Variants in KDM4E observed in about 807,000 individuals in gnomAD.
The protein encoded by KDM4E is lysine-specific demethylase 4E.
For synonymous variants in KDM4E, 229 were observed against 232.9 expected (o/e 0.98, Z 0.15); for missense variants, 576 against 642.6 (o/e 0.90, Z 1.12).
Position 95,026,823 on chromosome 11 carries a change from G to A in KDM4E, c.1266G>A (p.Gly422=). The change falls in exon 1 of 1, where the codon GGG becomes GGA. Residue 422 remains glycine, a synonymous_variant. Transcript: ENST00000450979. ...CCCAGACCCAGTCACTTACCCTGGG[G>A]ATGTCAGCCAGGGTTCTTCTCCCTT... The part of the protein sequence containing the change: ...YHTQTQSLTL[G]MSARVLLPST... 1.3e-6 allele frequency: 2 copies of A among 1,537,236 alleles called. No individual in the cohort carries two copies. The highest frequency in any genetic ancestry group is 1.7e-4 in the Middle Eastern group (1 of 5,990).
Position 95,026,458 on chromosome 11 carries a change from G to A in KDM4E, c.901G>A (p.Gly301Ser). Residue 301 changes from glycine to serine, a missense_variant, in exon 1 of 1, where the codon GGC becomes AGC. Coordinates refer to ENST00000450979, the MANE Select transcript of KDM4E (RefSeq NM_001161630.1). ...NFATPRWIDY[G>S]KMASQCSCGE... ...TGCCACTCCACGATGGATTGATTAT[G>A]GCAAAATGGCCTCTCAGTGTAGCTG... 1.2e-6 allele frequency: 2 copies of A among 1,609,302 alleles called. No homozygotes were observed. The highest frequency in any genetic ancestry group is 8.5e-7 in the Non-Finnish European group (1 of 1,179,830).
In KDM4E at chr11:95,026,730, T is replaced by G. The variant is rs1272171706; in HGVS notation, c.1173T>G (p.Cys391Trp). The change falls in exon 1 of 1, where the codon TGT (cysteine) becomes TGG (tryptophan). Residue 391 changes from cysteine (C) to tryptophan (W), a missense_variant. Cys to Trp is a radical substitution (Grantham distance 215). Coordinates refer to ENST00000450979, the MANE Select transcript of KDM4E (RefSeq NM_001161630.1). ...CPTQPVSSGHCYNPKGCGTDA... is the reference protein window; with the variant it reads ...CPTQPVSSGHWYNPKGCGTDA... Reference sequence around the variant, plus strand: ...CACAGCCTGTGTCCTCAGGGCACTGTTACAACCCAAAAGGCTGTGGCACTG... The same window carrying G: ...CACAGCCTGTGTCCTCAGGGCACTGGTACAACCCAAAAGGCTGTGGCACTG... The G allele has an allele frequency of 3.9e-6, 6 of 1,537,166 alleles. No homozygotes were observed. The highest frequency in any genetic ancestry group is 5.2e-6 in the Non-Finnish European group (6 of 1,146,916).
chr11:95,026,910 C>T lies in KDM4E; in HGVS notation c.1353C>T (p.Cys451=), dbSNP rs114457689. 592 of 1,537,034 alleles carry T rather than the reference C, an allele frequency of 3.9e-4. 1 individual carries two copies. In the African/African-American group the frequency reaches 7.5e-3, roughly 19 times the overall value. ...RGRGQGQGRG[C]SRGRGHGCCT... is the part of the protein sequence containing the mutation. Reference sequence around the variant, plus strand: ...GTGGTCAAGGTCAAGGTCGAGGTTGCAGTCGTGGTCGTGGTCATGGTTGTT... The same window carrying T: ...GTGGTCAAGGTCAAGGTCGAGGTTGTAGTCGTGGTCGTGGTCATGGTTGTT... The change falls in exon 1 of 1, where the codon TGC becomes TGT. Residue 451 remains cysteine, a synonymous_variant. Coordinates refer to ENST00000450979, the MANE Select transcript of KDM4E (RefSeq NM_001161630.1).
chr11:95,026,895 T>G lies in KDM4E; in HGVS notation c.1338T>G (p.Gly446=), dbSNP rs557117593. 24 of 1,537,146 alleles carry G rather than the reference T, an allele frequency of 1.6e-5. No individual in the cohort carries two copies. Among genetic ancestry groups the G allele is most frequent in the Non-Finnish European group, 8.7e-7 (1 of 1,146,880 alleles). The part of the protein sequence containing the change: ...GSGRGRGRGQ[G]QGRGCSRGRG... ...GTCGTGGTCGTGGTCGTGGTCAAGG[T>G]CAAGGTCGAGGTTGCAGTCGTGGTC... is the stretch of plus-strand genomic sequence containing the variant. The change falls in exon 1 of 1, where the codon GGT becomes GGG. Residue 446 remains glycine, a synonymous_variant. Coordinates refer to ENST00000450979, the MANE Select transcript of KDM4E (RefSeq NM_001161630.1).
Position 95,027,030 on chromosome 11 carries a change from G to T in KDM4E, c.1473G>T (p.Arg491Ser). Residue 491 changes from arginine to serine, a missense_variant, in exon 1 of 1, where the codon AGG becomes AGT. Transcript: ENST00000450979. ...CAAGGAGTAGAGCTCAAGGCCACAG[G>T]CCTCAGCTCCCGCTTGCCAATGATT... is the stretch of plus-strand genomic sequence containing the variant. ...MGTRSRAQGH[R>S]PQLPLANDLM... is the part of the protein sequence containing the mutation. The T allele has an allele frequency of 1.3e-6, 2 of 1,537,198 alleles. No individual in the cohort carries two copies. Among genetic ancestry groups the T allele is most frequent in the African/African-American group, 1.4e-5 (1 of 73,158 alleles).
rs74484206 is a variant in KDM4E at position 95,026,989 on chromosome 11, C to T, written c.1432C>T (p.Arg478Cys). ...EPTVQPASKRRLLMGTRSRAQ... is the reference protein window; with the variant it reads ...EPTVQPASKRCLLMGTRSRAQ... ...AACTGTTCAGCCTGCATCCAAGAGG[C>T]GCCTTTTAATGGGTACAAGGAGTAG... The change falls in exon 1 of 1, where the codon CGC (arginine) becomes TGC (cysteine). Residue 478 changes from arginine (R) to cysteine (C), a missense_variant. By Grantham distance (180) the Arg-to-Cys change is radical (BLOSUM62 -3). Coordinates refer to ENST00000450979, the MANE Select transcript of KDM4E (RefSeq NM_001161630.1). 8.3e-4 allele frequency: 1,283 copies of T among 1,537,190 alleles called. 1 individual carries two copies. The highest frequency in any genetic ancestry group is 6.5e-3 in the Middle Eastern group (39 of 5,990).
Position 95,026,148 on chromosome 11 carries a change from C to A in KDM4E, c.591C>A (p.Ser197Arg). ...ACACAGAGGACATGGACCTTTACAG[C>A]ATCAACTACCTGCACTTTGGGGAGC... ...AWHTEDMDLY[S>R]INYLHFGEPK... The change falls in exon 1 of 1, where the codon AGC (serine) becomes AGA (arginine). Residue 197 changes from serine to arginine, a missense_variant. Transcript: ENST00000450979. The A allele has an allele frequency of 6.2e-7, 1 of 1,614,182 alleles. No individual in the cohort carries two copies. Among genetic ancestry groups the A allele is most frequent in the East Asian group, 2.2e-5 (1 of 44,884 alleles).
chr11:95,025,271 T>A lies in KDM4E; in HGVS notation c.-287T>A, dbSNP rs1858245984. 5.4e-6 allele frequency: 2 copies of A among 370,074 alleles called. No individual in the cohort carries two copies. Among genetic ancestry groups the A allele is most frequent in the Non-Finnish European group, 9.6e-6 (2 of 208,210 alleles). The allele number at this position is 370,074 out of a possible 1,614,324, so 22.9% of individuals were successfully genotyped here. ...CTACTAGTGCACCCAAGCCTGAGAA[T>A]CAGGAGAAGCCTCACAGTGACACCC... On this transcript the variant is annotated 5_prime_UTR_variant, in exon 1 of 1. Coordinates refer to ENST00000450979, the MANE Select transcript of KDM4E (RefSeq NM_001161630.1).
chr11:95,027,227 T>A lies in KDM4E; in HGVS notation c.*149T>A. ...ACAGCACTACTAGTAATCTCCCTGA[T>A]GTTGTCTGCATGACTCCTCCCAATG... On this transcript the variant is annotated 3_prime_UTR_variant, in exon 1 of 1. Transcript: ENST00000450979. 1 of 1,107,244 alleles carries A rather than the reference T, an allele frequency of 9.0e-7. No homozygotes were observed. The highest frequency in any genetic ancestry group is 2.6e-5 in the East Asian group (1 of 38,628). The allele number at this position is 1,107,244 out of a possible 1,614,324, so 68.6% of individuals were successfully genotyped here. A position where few individuals can be genotyped will look rare whatever the true frequency, so the allele number is the denominator to read the frequency against.
Position 95,026,492 on chromosome 11 carries a change from C to G in KDM4E, c.935C>G (p.Ser312Trp), listed in dbSNP as rs782401996. 4 of 1,597,590 alleles carry G rather than the reference C, an allele frequency of 2.5e-6. No individual in the cohort carries two copies. The South Asian group carries it at 4.4e-5, about 18-fold the overall frequency. The change falls in exon 1 of 1, where the codon TCG (serine) becomes TGG (tryptophan). Residue 312 changes from serine to tryptophan, a missense_variant. Physicochemically the swap from Ser to Trp is radical, Grantham distance 177. Coordinates refer to ENST00000450979, the MANE Select transcript of KDM4E (RefSeq NM_001161630.1). ...GCCTCTCAGTGTAGCTGTGGGGAGTCGACAGTGACCTTTTCCATGGACCCC... is the reference window on the plus strand; with the variant it reads ...GCCTCTCAGTGTAGCTGTGGGGAGTGGACAGTGACCTTTTCCATGGACCCC... Reference protein sequence around the residue: ...KMASQCSCGESTVTFSMDPFV... With the variant: ...KMASQCSCGEWTVTFSMDPFV...
In KDM4E at chr11:95,026,070, T is replaced by A. The variant is rs782817874; in HGVS notation, c.513T>A (p.Gly171=). ...LEQECGVVIE[G]VNTPYLYFGM... Reference sequence around the variant, plus strand: ...AGGAATGTGGGGTTGTCATCGAGGGTGTCAACACACCCTACCTGTACTTTG... The same window carrying A: ...AGGAATGTGGGGTTGTCATCGAGGGAGTCAACACACCCTACCTGTACTTTG... Residue 171 remains glycine, a synonymous_variant, in exon 1 of 1, where the codon GGT becomes GGA. Transcript: ENST00000450979. 1.2e-6 allele frequency: 2 copies of A among 1,613,712 alleles called. No individual in the cohort carries two copies. The highest frequency in any genetic ancestry group is 1.7e-6 in the Non-Finnish European group (2 of 1,179,888).
chr11:95,026,981 C>A lies in KDM4E; in HGVS notation c.1424C>A (p.Ser475Tyr). 6.5e-7 allele frequency: 1 copy of A among 1,537,198 alleles called. No homozygotes were observed. Among genetic ancestry groups the A allele is most frequent in the Non-Finnish European group, 8.7e-7 (1 of 1,146,906 alleles). ...GTEEPTVQPA[S>Y]KRRLLMGTRS... Reference sequence around the variant, plus strand: ...GAGGAGCCAACTGTTCAGCCTGCATCCAAGAGGCGCCTTTTAATGGGTACA... The same window carrying A: ...GAGGAGCCAACTGTTCAGCCTGCATACAAGAGGCGCCTTTTAATGGGTACA... Residue 475 changes from serine (S) to tyrosine (Y), a missense_variant, in exon 1 of 1, where the codon TCC (serine) becomes TAC (tyrosine). Transcript: ENST00000450979.
In KDM4E at chr11:95,026,002, T is replaced by C. The variant is rs1555102700; in HGVS notation, c.445T>C (p.Trp149Arg). ...CTTATTTGAAGAAAGCACTAAACAATGGAACCTAGGACACCTGGGAACAAT... is the reference window on the plus strand; with the variant it reads ...CTTATTTGAAGAAAGCACTAAACAACGGAACCTAGGACACCTGGGAACAAT... ...GSLFEESTKQ[W>R]NLGHLGTILD... The change falls in exon 1 of 1, where the codon TGG (tryptophan) becomes CGG (arginine). Residue 149 changes from tryptophan (W) to arginine (R), a missense_variant. Trp to Arg is a moderately radical substitution (Grantham distance 101, BLOSUM62 -3). Coordinates refer to ENST00000450979, the MANE Select transcript of KDM4E (RefSeq NM_001161630.1). 3 of 1,606,792 alleles carry C rather than the reference T, an allele frequency of 1.9e-6. No homozygotes were observed. Among genetic ancestry groups the C allele is most frequent in the Non-Finnish European group, 2.5e-6 (3 of 1,177,278 alleles).
Position 95,027,325 on chromosome 11 carries a change from T to C in KDM4E, c.*247T>C. ...AACTGATTAAGTTCACCAGGGACAC[T>C]TGCCTGGTGAACATGGGCAAGGCTG... On this transcript the variant is annotated 3_prime_UTR_variant, in exon 1 of 1. Transcript: ENST00000450979. 1.8e-6 allele frequency: 1 copy of C among 541,162 alleles called. No homozygotes were observed. The allele number at this position is 541,162 out of a possible 1,614,324, so 33.5% of individuals were successfully genotyped here. A position where few individuals can be genotyped will look rare whatever the true frequency, so the allele number is the denominator to read the frequency against.
Position 95,026,106 on chromosome 11 carries a change from G to C in KDM4E, c.549G>C (p.Lys183Asn). The C allele has an allele frequency of 1.2e-6, 2 of 1,614,054 alleles. No homozygotes were observed. The highest frequency in any genetic ancestry group is 1.7e-6 in the Non-Finnish European group (2 of 1,179,980). The change falls in exon 1 of 1, where the codon AAG becomes AAC. Residue 183 changes from lysine to asparagine, a missense_variant. Lys to Asn is a moderately conservative substitution (Grantham distance 94, BLOSUM62 0). Coordinates refer to ENST00000450979, the MANE Select transcript of KDM4E (RefSeq NM_001161630.1). Reference protein sequence around the residue: ...NTPYLYFGMWKTTFAWHTEDM... With the variant: ...NTPYLYFGMWNTTFAWHTEDM... ...CCTACCTGTACTTTGGCATGTGGAA[G>C]ACCACGTTTGCCTGGCACACAGAGG... is the stretch of plus-strand genomic sequence containing the variant.
In KDM4E at chr11:95,026,218, G is replaced by A; in HGVS notation, c.661G>A (p.Glu221Lys). The A allele has an allele frequency of 2.5e-6, 4 of 1,614,070 alleles. No individual in the cohort carries two copies. Among genetic ancestry groups the A allele is most frequent in the Non-Finnish European group, 3.4e-6 (4 of 1,180,002 alleles). The change falls in exon 1 of 1, where the codon GAA becomes AAA. Residue 221 changes from glutamate to lysine, a missense_variant. Glu to Lys is a moderately conservative substitution (Grantham distance 56, BLOSUM62 1). Coordinates refer to ENST00000450979, the MANE Select transcript of KDM4E (RefSeq NM_001161630.1). The part of the protein sequence containing the change: ...VVPPEHGQHL[E>K]RLARELFPDI... ...GCCCCCAGAACATGGTCAGCACCTG[G>A]AACGCCTGGCCAGGGAGCTCTTCCC...
Position 95,025,294 on chromosome 11 carries a change from C to T in KDM4E, c.-264C>T. 1 of 417,100 alleles carries T rather than the reference C, an allele frequency of 2.4e-6. No homozygotes were observed. Among genetic ancestry groups the T allele is most frequent in the Non-Finnish European group, 4.2e-6 (1 of 238,960 alleles). 25.8% of individuals were successfully genotyped at this position (417,100 alleles called of 1,614,324 possible). A position where few individuals can be genotyped will look rare whatever the true frequency, so the allele number is the denominator to read the frequency against. ...AATCAGGAGAAGCCTCACAGTGACA[C>T]CCCCAACTGAGGAAACTCACAGAGC... is the stretch of plus-strand genomic sequence containing the variant. On this transcript the variant is annotated 5_prime_UTR_variant, in exon 1 of 1. Coordinates refer to ENST00000450979, the MANE Select transcript of KDM4E (RefSeq NM_001161630.1).
chr11:95,027,176 C>T lies in KDM4E; in HGVS notation c.*98C>T, dbSNP rs1858282561. 1 of 1,444,554 alleles carries T rather than the reference C, an allele frequency of 6.9e-7. No homozygotes were observed. The highest frequency in any genetic ancestry group is 1.4e-5 in the African/African-American group (1 of 70,120). The allele number at this position is 1,444,554 out of a possible 1,614,324, so 89.5% of individuals were successfully genotyped here. ...CACTGGATCGTGATGAAACCATGCA[C>T]CCTGGCCTGTGCCTGCTATCCCTCA... is the stretch of plus-strand genomic sequence containing the variant. On this transcript the variant is annotated 3_prime_UTR_variant, in exon 1 of 1. Transcript: ENST00000450979.
rs1555102753 is a variant in KDM4E at position 95,026,200 on chromosome 11, G to C, written c.643G>C (p.Glu215Gln). The change falls in exon 1 of 1, where the codon GAA (glutamate) becomes CAA (glutamine). Residue 215 changes from glutamate to glutamine, a missense_variant. Transcript: ENST00000450979. Reference protein sequence around the residue: ...EPKTWYVVPPEHGQHLERLAR... With the variant: ...EPKTWYVVPPQHGQHLERLAR... Reference sequence around the variant, plus strand: ...CAAAACTTGGTACGTGGTGCCCCCAGAACATGGTCAGCACCTGGAACGCCT... The same window carrying C: ...CAAAACTTGGTACGTGGTGCCCCCACAACATGGTCAGCACCTGGAACGCCT... 7 of 1,614,156 alleles carry C rather than the reference G, an allele frequency of 4.3e-6. No homozygotes were observed. The highest frequency in any genetic ancestry group is 5.9e-6 in the Non-Finnish European group (7 of 1,180,026).
Sources: gnomAD v4.1 joint callset for allele counts on GRCh38, gnomAD v4.1.1 for gene constraint, MANE v1.5 for transcripts, NCBI Gene and HGNC (gene_info 2026-07-23, HGNC 2026-07-21) for gene names.